The following ELL variants were observed in gnomAD, a reference collection of about 807,000 sequenced individuals.
ELL encodes RNA polymerase II elongation factor ELL.
A neutral mutation model predicts 64.0 loss-of-function variants in ELL; 18 were observed. The ratio of observed to expected loss-of-function variants is 0.28; its 90% CI spans 0.19 to 0.42. The LOEUF is 0.42. Among genes scored for constraint, ELL ranks in the 10% least tolerant of loss-of-function variants. The probability of loss-of-function intolerance (pLI) is 1.00; values close to 1 mark genes in which losing one functional copy is unlikely to be tolerated. For synonymous variants in ELL, 399 were observed against 376.2 expected, an observed-to-expected ratio of 1.06 and a Z score of -0.70; for missense variants, 797 against 870.4, an observed-to-expected ratio of 0.92 and a Z score of 1.06.
chr19:18,492,886 C>A (rs1600484685), intron 1 of ELL, among the ~76,000 whole-genome samples: 1 of 152,096 alleles, frequency 6.6e-6, no homozygotes, highest in African/African-American at 2.4e-5. Flanking sequence ...GCCGTGAAGT[C>A]CCACTGGCCA....
At chr19:18,520,318 C>T (rs1976236018) in intron 1 of ELL, among the ~76,000 whole-genome samples, 1 of 152,120 alleles carries the variant, frequency 6.6e-6, no homozygotes, top group South Asian at 2.1e-4. Flanking sequence ...AAGTCAGAAT[C>T]GCTCAGGGAA....
chr19:18,447,667 G>C (rs1974442868), intron 8 of ELL, among the ~76,000 whole-genome samples: 1 of 152,256 alleles, frequency 6.6e-6, no homozygotes, highest in Non-Finnish European at 1.5e-5. Flanking sequence ...CAGGAAGACT[G>C]AAGTGCGCGT....
At chr19:18,511,081 C>T (rs887612995) in intron 1 of ELL, among the ~76,000 whole-genome samples, 2 of 152,076 alleles carry the variant, frequency 1.3e-5, no homozygotes, top group African/African-American at 4.8e-5. Flanking sequence ...TCCTGGTTAA[C>T]ATGGTGAAAC....
chr19:18,473,970 G>A (rs1229436836), intron 1 of ELL, among the ~76,000 whole-genome samples: 1 of 152,214 alleles, frequency 6.6e-6, no homozygotes, highest in Non-Finnish European at 1.5e-5. Context: ...CTCCCCAGAG[G>A]GCAAAGCACT....
rs752152798 is a variant in ELL, at chr19:18,444,758, C to A, written c.1860G>T (p.Trp620Cys). The change falls in exon 12 of 12, where the codon TGG (tryptophan) becomes TGT (cysteine). Residue 620 changes from tryptophan to cysteine, a missense_variant. By Grantham distance (215) the Trp-to-Cys change is radical. Transcript: ENST00000262809. The stretch of plus-strand genomic sequence containing the variant: ...CCGCCATCGGGGAGGGCGGCTAGGG[C>A]CAAGCCTGCAGCTGCCGCTGGTCGT... Reference protein sequence around the residue: ...AEYDQRQLQAWP With the variant: ...AEYDQRQLQACP The A allele has an allele frequency of 4.2e-5, 67 of 1,603,152 alleles. No individual in the cohort carries two copies. Among genetic ancestry groups the A allele is most frequent in the Non-Finnish European group, 5.6e-5 (66 of 1,177,936 alleles).
intron 1 of ELL, among the ~76,000 whole-genome samples, chr19:18,503,638 G>A (rs1041124500): frequency 6.6e-6 from 1 of 152,208 alleles, no homozygotes; most frequent in Non-Finnish European, 1.5e-5. Context: ...GAGCACTCAG[G>A]GGCTGTGAGG....
chr19:18,517,798 G>A (rs1273991342), intron 1 of ELL, among the ~76,000 whole-genome samples: 1 of 149,520 alleles, frequency 6.7e-6, no homozygotes, highest in African/African-American at 2.5e-5. Context: ...GAGGTGGGAA[G>A]ATCACTTAAG....
At chr19:18,498,563 G>A (rs535379207) in intron 1 of ELL, among the ~76,000 whole-genome samples, 76 of 152,304 alleles carry the variant, frequency 5.0e-4, no homozygotes, top group African/African-American at 1.8e-3. Context: ...CAGAAGGTCC[G>A]GTTTAGCTTC....
chr19:18,466,291 T>G (rs1458186607), intron 2 of ELL, among the ~76,000 whole-genome samples: 1 of 152,122 alleles, frequency 6.6e-6, no homozygotes, highest in African/African-American at 2.4e-5. Context: ...CACCACCAAA[T>G]GGACAGACCT....
At position 18,465,339 on chromosome 19, in the gene ELL, G is replaced by A. The variant is rs61106979; in HGVS notation, c.469+73C>T. On this transcript the variant is annotated intron_variant, in intron 4 of 11. Coordinates refer to ENST00000262809, the MANE Select transcript of ELL (RefSeq NM_006532.4). ...CAGGGCACAGCCAGTGCCCAGCCTG[G>A]ACAGGCCCCAAATGTCTCCCGACAC... 0.011 allele frequency: 16,971 copies of A among 1,517,186 alleles called. 1,629 individuals are homozygous for A. The African/African-American group carries it at 0.21, about 18-fold the overall frequency. 94.0% of individuals were successfully genotyped at this position (1,517,186 alleles called of 1,614,324 possible).
intron 1 of ELL, among the ~76,000 whole-genome samples, chr19:18,489,716 G>A (rs143541213): frequency 6.6e-6 from 1 of 152,202 alleles, no homozygotes; most frequent in East Asian, 1.9e-4. Flanking sequence ...GATCCTCCTG[G>A]GATCCACCTG....
At chr19:18,476,674 T>C (rs754585516) in intron 1 of ELL, among the ~76,000 whole-genome samples, 1 of 152,232 alleles carries the variant, frequency 6.6e-6, no homozygotes, top group Admixed American at 6.5e-5. Flanking sequence ...CCTTTCTCTA[T>C]GATGCCAGGA....
intron 6 of ELL, among the ~76,000 whole-genome samples, chr19:18,455,269 G>T (rs1376582929): frequency 6.6e-6 from 1 of 151,762 alleles, no homozygotes; most frequent in African/African-American, 2.4e-5. Context: ...GAGGCGGGTG[G>T]ATCATGAGGT....
At chr19:18,454,660 G>C (rs1454094486) in intron 6 of ELL, among the ~76,000 whole-genome samples, 2 of 150,696 alleles carry the variant, frequency 1.3e-5, no homozygotes, top group Non-Finnish European at 1.5e-5. Context: ...GGCCTGCATG[G>C]TGAAACCCTG....
intron 2 of ELL, 198 bp downstream of exon 2, chr19:18,472,637 C>G (rs1230924852): frequency 9.8e-6 from 6 of 609,970 alleles, no homozygotes; most frequent in Non-Finnish European, 1.7e-5. Flanking sequence ...GCCCAAGCAG[C>G]CTGTGACGTG....
chr19:18,505,681 G>T (rs1182418603), intron 1 of ELL, among the ~76,000 whole-genome samples: 1 of 152,206 alleles, frequency 6.6e-6, no homozygotes, highest in Non-Finnish European at 1.5e-5. Flanking sequence ...GGCACACACA[G>T]GGGAGGGGAG....
At chr19:18,486,569 G>A (rs1473287229) in intron 1 of ELL, among the ~76,000 whole-genome samples, 1 of 152,166 alleles carries the variant, frequency 6.6e-6, no homozygotes, top group African/African-American at 2.4e-5. Context: ...TCTGAGAAGG[G>A]AGCCTGTCTC....
chr19:18,473,622 CA>C (rs1438044573), intron 1 of ELL, among the ~76,000 whole-genome samples: 1 of 152,208 alleles, frequency 6.6e-6, no homozygotes, highest in Non-Finnish European at 1.5e-5. Context: ...ACTGACGCTT[CA>C]GCTATTCAGA....
At chr19:18,493,185 G>C (rs1187222856) in intron 1 of ELL, among the ~76,000 whole-genome samples, 1 of 152,132 alleles carries the variant, frequency 6.6e-6, no homozygotes, top group Admixed American at 6.5e-5. Flanking sequence ...TACAAGTCCA[G>C]GGATTTGTCT....
Sources: allele counts gnomAD v4.1 joint callset (sites outside exome capture counted in the v4.1 genomes callset), GRCh38; gene constraint gnomAD v4.1.1; transcripts MANE v1.5; gene names NCBI Gene and HGNC (gene_info 2026-07-23, HGNC 2026-07-21).